Variants in RASGEF1C observed in about 807,000 individuals in gnomAD.
RASGEF1C encodes RasGEF domain family member 1C.
A neutral mutation model predicts 58.1 loss-of-function variants in RASGEF1C; 27 were observed. The observed-to-expected ratio is 0.46, with a 90% confidence interval of 0.34 to 0.64. RASGEF1C has a LOEUF of 0.64. RASGEF1C is among the 30% of genes least tolerant of loss of function. The probability of loss-of-function intolerance (pLI) is 0.01; values close to 1 mark genes in which losing one functional copy is unlikely to be tolerated. For synonymous variants in RASGEF1C, 243 were observed against 246.3 expected (o/e 0.99, Z 0.13); for missense variants, 502 against 605.1 (o/e 0.83, Z 1.79).
chr5:180,155,813 C>T lies in RASGEF1C; in HGVS notation c.-6-17755G>A, dbSNP rs1766839542. ...GCCACAGTGAAGGGGTTTGTTTCAC[C>T]TCCCAACCCGCATGCTGCCTTCCCT... On this transcript the variant is annotated intron_variant, in intron 1 of 13. Transcript: ENST00000361132. The surrounding 1 kb of genome is among the most constrained non-coding windows in gnomAD (Gnocchi z 5.2). Among the ~76,000 whole-genome samples, 1 of 152,142 alleles carries T rather than the reference C, an allele frequency of 6.6e-6. No homozygotes were observed. The highest frequency in any genetic ancestry group is 2.1e-4 in the South Asian group (1 of 4,826).
intron 1 of RASGEF1C, among the ~76,000 whole-genome samples, chr5:180,199,324 T>C (rs1756337788): frequency 6.6e-6 from 1 of 152,050 alleles, no homozygotes. Flanking sequence ...CGCTGTAGAT[T>C]AAAGGGATCA....
intron 1 of RASGEF1C, among the ~76,000 whole-genome samples, chr5:180,170,495 G>A (rs947481734): frequency 1.1e-4 from 17 of 152,196 alleles, no homozygotes; most frequent in African/African-American, 3.6e-4. Flanking sequence ...CGCCCCAGCC[G>A]AGGGGTACTG....
intron 1 of RASGEF1C, among the ~76,000 whole-genome samples, chr5:180,187,890 T>C (rs918262911): frequency 3.3e-5 from 5 of 152,218 alleles, no homozygotes; most frequent in African/African-American, 1.2e-4. Flanking sequence ...ACCTTGTGTG[T>C]TGCTGGTGGG....
intron 12 of RASGEF1C, among the ~76,000 whole-genome samples, chr5:180,105,736 C>T (rs1765865232): frequency 6.6e-6 from 1 of 152,040 alleles, no homozygotes; most frequent in East Asian, 1.9e-4. Context: ...GGCGTGGTGG[C>T]TCACGCCTGT....
intron 4 of RASGEF1C, 99 bp downstream of exon 4, chr5:180,136,279 A>C: frequency 8.2e-7 from 1 of 1,226,208 alleles, no homozygotes; most frequent in South Asian, 1.5e-5. Context: ...CGTGGTGTGC[A>C]GGGTGGGGAG....
At chr5:180,123,944 T>C (rs1370202133) in intron 6 of RASGEF1C, among the ~76,000 whole-genome samples, 1 of 152,070 alleles carries the variant, frequency 6.6e-6, no homozygotes, top group Non-Finnish European at 1.5e-5. Flanking sequence ...ATTTGGAAAC[T>C]TAGGGGAAAT....
Position 180,122,466 on chromosome 5 carries a change from C to T in RASGEF1C, c.715-1317G>A, listed in dbSNP as rs115392988. On this transcript the variant is annotated intron_variant, in intron 6 of 13. Transcript: ENST00000361132. ...GTTAAAACTGCCAGGGTAGGCCAAG[C>T]GCAGTGGCTCACGCCTGTAATCGCA... Among the ~76,000 whole-genome samples, 757 of 152,036 alleles carry T rather than the reference C, an allele frequency of 5.0e-3. 11 individuals carry two copies. The highest frequency in any genetic ancestry group is 0.017 in the African/African-American group (721 of 41,482).
At chr5:180,133,234 C>T (rs1349419051) in intron 4 of RASGEF1C, among the ~76,000 whole-genome samples, 1 of 152,178 alleles carries the variant, frequency 6.6e-6, no homozygotes, top group Non-Finnish European at 1.5e-5. Flanking sequence ...GAAGGCTTCC[C>T]GGGACTCCCC....
Position 180,119,429 on chromosome 5 carries a change from C to T in RASGEF1C, c.824G>A (p.Arg275Lys), listed in dbSNP as rs761257946. 1 of 1,614,168 alleles carries T rather than the reference C, an allele frequency of 6.2e-7. No individual in the cohort carries two copies. Among genetic ancestry groups the T allele is most frequent in the Non-Finnish European group, 8.5e-7 (1 of 1,179,990 alleles). Residue 275 changes from arginine to lysine, a missense_variant, in exon 8 of 14, where the codon AGG becomes AAG. Transcript: ENST00000361132. Reference sequence around the variant, plus strand: ...GATGAAGAACTCAATCACCTGGGCCCTCTGCTTCTTCTTGGCTGGCTGGGG... The same window carrying T: ...GATGAAGAACTCAATCACCTGGGCCTTCTGCTTCTTCTTGGCTGGCTGGGG... ...EICMPAKKKQ[R>K]AQVIEFFIDV...
intron 1 of RASGEF1C, among the ~76,000 whole-genome samples, chr5:180,200,327 T>TTTTTTTTG: frequency 7.7e-6 from 1 of 129,690 alleles, no homozygotes; most frequent in Non-Finnish European, 1.7e-5. Flanking sequence ...TTTTTTTTTT[T>TTTTTTTTG]GAGATAGAGT....
intron 1 of RASGEF1C, among the ~76,000 whole-genome samples, chr5:180,140,834 C>T (rs946412353): frequency 6.6e-6 from 1 of 152,214 alleles, no homozygotes. Flanking sequence ...GACAGACTGA[C>T]CAGCATGTGC....
rs371781188 is a variant in RASGEF1C, at chr5:180,125,706, C to T, written c.714+1903G>A. Among the ~76,000 whole-genome samples the T allele has an allele frequency of 1.6e-4, 24 of 151,746 alleles. No individual in the cohort carries two copies. In the East Asian group the frequency reaches 2.3e-3, roughly 15 times the overall value. The stretch of plus-strand genomic sequence containing the variant: ...CTGAGGCAGGAGAATCGCTTGAACC[C>T]GGGAGGTGGAGGTTGCAATGAGCCG... On this transcript the variant is annotated intron_variant, in intron 6 of 13. Coordinates refer to ENST00000361132, the MANE Select transcript of RASGEF1C (RefSeq NM_175062.4).
chr5:180,192,523 C>G (rs1756181619), intron 1 of RASGEF1C, among the ~76,000 whole-genome samples: 2 of 151,846 alleles, frequency 1.3e-5, no homozygotes, highest in South Asian at 4.2e-4. Context: ...AAATGTTTTT[C>G]AACTGTAATT....
intron 4 of RASGEF1C, among the ~76,000 whole-genome samples, chr5:180,131,973 T>C (rs1420761014): frequency 6.6e-6 from 1 of 152,254 alleles, no homozygotes; most frequent in South Asian, 2.1e-4. Flanking sequence ...AGTGTGGTTA[T>C]GCTATCTGCC....
intron 7 of RASGEF1C, among the ~76,000 whole-genome samples, chr5:180,120,025 G>A (rs930589736): frequency 2.0e-5 from 3 of 152,098 alleles, no homozygotes; most frequent in South Asian, 2.1e-4. Context: ...GCCAGGCTTC[G>A]CCCAGGCTCG....
chr5:180,108,558 C>T (rs1304815191), intron 12 of RASGEF1C, among the ~76,000 whole-genome samples: 3 of 152,142 alleles, frequency 2.0e-5, no homozygotes, highest in African/African-American at 7.2e-5. Flanking sequence ...GTTCCATCTT[C>T]CAGTTCATAG....
intron 4 of RASGEF1C, among the ~76,000 whole-genome samples, chr5:180,130,943 G>A (rs568634639): frequency 2.6e-5 from 4 of 152,092 alleles, no homozygotes; most frequent in East Asian, 1.9e-4. Context: ...ATAGCGCGTC[G>A]GCCACCAGAC....
rs940455297 is a variant in RASGEF1C, at chr5:180,190,408, T to G, written c.-7+18620A>C. 1.0e-3 allele frequency among the ~76,000 whole-genome samples: 148 copies of G among 147,004 alleles called. 1 individual carries two copies. The highest frequency in any genetic ancestry group is 2.4e-3 in the South Asian group (11 of 4,612). ...GGGAGGCTGAGGCAGGAGAGTGGCGTGAACCTGGGAGGCGGAGCTTGCAGT... is the reference window on the plus strand; with the variant it reads ...GGGAGGCTGAGGCAGGAGAGTGGCGGGAACCTGGGAGGCGGAGCTTGCAGT... On this transcript the variant is annotated intron_variant, in intron 1 of 13. Transcript: ENST00000361132.
Position 180,158,310 on chromosome 5 carries a change from G to A in RASGEF1C, c.-6-20252C>T, listed in dbSNP as rs1214389550. Reference sequence around the variant, plus strand: ...CTTCTCCTTTATGTGTTGGGCTCCCGTCTCCTGTATTTAAAGTCTTCTTTC... The same window carrying A: ...CTTCTCCTTTATGTGTTGGGCTCCCATCTCCTGTATTTAAAGTCTTCTTTC... On this transcript the variant is annotated intron_variant, in intron 1 of 13. Transcript: ENST00000361132. This position sits in a 1 kb window ranked among gnomAD's most constrained non-coding sequence, Gnocchi z 4.0. Among the ~76,000 whole-genome samples, 4 of 152,042 alleles carry A rather than the reference G, an allele frequency of 2.6e-5. No individual in the cohort carries two copies. The highest frequency in any genetic ancestry group is 5.9e-5 in the Non-Finnish European group (4 of 68,020).
Sources: allele counts gnomAD v4.1 joint callset (sites outside exome capture counted in the v4.1 genomes callset), GRCh38; gene constraint gnomAD v4.1.1; non-coding constraint Gnocchi (gnomAD v3.1); transcripts MANE v1.5; gene names NCBI Gene and HGNC (gene_info 2026-07-23, HGNC 2026-07-21).